The following KSR2 variants were observed in gnomAD, a reference collection of about 807,000 sequenced individuals.
The protein encoded by KSR2 is kinase suppressor of ras 2.
A neutral mutation model predicts 107.8 loss-of-function variants in KSR2; 25 were observed. The observed-to-expected ratio is 0.23, with a 90% CI of 0.17 to 0.32. KSR2 has a LOEUF of 0.32. Ranked by LOEUF, KSR2 falls within the 10% of genes least tolerant of loss-of-function variation. The pLI is 1.00. For missense variants in KSR2, 887 were observed against 1,268.9 expected, an observed-to-expected ratio of 0.70 and a Z score of 4.57; for synonymous variants, 480 against 507.0, an observed-to-expected ratio of 0.95 and a Z score of 0.71.
chr12:117,856,346 T>C (rs74741374), intron 2 of KSR2, among the ~76,000 whole-genome samples: 1,876 of 152,268 alleles, frequency 0.012, 40 homozygotes, highest in African/African-American at 0.043. Context: ...ACCTCAAAAT[T>C]TGTCAAGCTT....
At chr12:117,709,554 G>A (rs1034668343) in intron 4 of KSR2, among the ~76,000 whole-genome samples, 8 of 152,064 alleles carry the variant, frequency 5.3e-5, no homozygotes, top group African/African-American at 1.7e-4. Flanking sequence ...AAGGCCTCAC[G>A]GGATCCTTCT....
At chr12:117,780,621 G>A (rs1889850220) in intron 3 of KSR2, among the ~76,000 whole-genome samples, 1 of 152,186 alleles carries the variant, frequency 6.6e-6, no homozygotes, top group African/African-American at 2.4e-5. Context: ...GGATGGTGGT[G>A]ATGATTATAC....
chr12:117,703,218 T>C (rs1886394818), intron 4 of KSR2, among the ~76,000 whole-genome samples: 1 of 152,158 alleles, frequency 6.6e-6, no homozygotes, highest in Admixed American at 6.5e-5. Flanking sequence ...GGCAAATTAT[T>C]TCACCTCTTT....
At chr12:117,523,422 G>A (rs991544145) in intron 14 of KSR2, among the ~76,000 whole-genome samples, 1 of 152,220 alleles carries the variant, frequency 6.6e-6, no homozygotes, top group East Asian at 1.9e-4. Context: ...TATGTTACAG[G>A]GGAGTCAGCG....
intron 16 of KSR2, among the ~76,000 whole-genome samples, chr12:117,483,525 TGAGA>T (rs142886621): frequency 2.8e-4 from 41 of 147,782 alleles, no homozygotes; most frequent in East Asian, 5.9e-4. Context: ...AGGTTTAAAA[TGAGA>T]GAGAGAGAGA....
intron 7 of KSR2, among the ~76,000 whole-genome samples, chr12:117,564,635 A>T (rs1165079117): frequency 6.6e-6 from 1 of 152,220 alleles, no homozygotes; most frequent in Non-Finnish European, 1.5e-5. Flanking sequence ...ATGAGACATC[A>T]TCTCTGTCTG....
At chr12:117,887,895 C>T (rs1894223948) in intron 1 of KSR2, among the ~76,000 whole-genome samples, 1 of 152,220 alleles carries the variant, frequency 6.6e-6, no homozygotes. Context: ...CTATGATCAA[C>T]CAGTGATTGC....
intron 12 of KSR2, among the ~76,000 whole-genome samples, chr12:117,528,493 T>C (rs1565885542): frequency 6.6e-6 from 1 of 152,106 alleles, no homozygotes; most frequent in Non-Finnish European, 1.5e-5. Context: ...ACCCTCAGAT[T>C]GCAGGAAGTG....
intron 14 of KSR2, among the ~76,000 whole-genome samples, chr12:117,489,548 C>CAA (rs11358177): frequency 1.8e-4 from 16 of 87,186 alleles, no homozygotes; most frequent in African/African-American, 5.0e-4. Flanking sequence ...GACCCTGTCT[C>CAA]AAAAAAAAAA....
chr12:117,821,070 T>C (rs1891546430), intron 3 of KSR2, among the ~76,000 whole-genome samples: 1 of 152,210 alleles, frequency 6.6e-6, no homozygotes, highest in Non-Finnish European at 1.5e-5. Flanking sequence ...CCTCAGTTTC[T>C]GCATCTGTAA....
intron 3 of KSR2, among the ~76,000 whole-genome samples, chr12:117,837,711 T>C (rs1185895248): frequency 6.6e-5 from 10 of 152,110 alleles, no homozygotes; most frequent in Admixed American, 5.9e-4. Context: ...GTCTGCCTCA[T>C]TTCTCCTCCA....
At chr12:117,561,769 T>C (rs1362242080) in intron 7 of KSR2, among the ~76,000 whole-genome samples, 1 of 152,182 alleles carries the variant, frequency 6.6e-6, no homozygotes, top group Non-Finnish European at 1.5e-5. Flanking sequence ...CTGGCTTTCT[T>C]TGTCTATTCC....
chr12:117,760,116 G>T (rs1888944102), intron 4 of KSR2, among the ~76,000 whole-genome samples: 1 of 152,180 alleles, frequency 6.6e-6, no homozygotes, highest in Non-Finnish European at 1.5e-5. Context: ...CAAAAAAAAA[G>T]AAGTTTCTTC....
chr12:117,928,559 T>C (rs1173337366), intron 1 of KSR2, among the ~76,000 whole-genome samples: 2 of 152,212 alleles, frequency 1.3e-5, no homozygotes, highest in Non-Finnish European at 2.9e-5. Context: ...TATTTATCCA[T>C]GTATCTGCTC....
chr12:117,917,924 C>G (rs1286803093), intron 1 of KSR2, among the ~76,000 whole-genome samples: 1 of 152,164 alleles, frequency 6.6e-6, no homozygotes, highest in Non-Finnish European at 1.5e-5. Context: ...ACTGGCTTCT[C>G]TTGAAAAAGA....
intron 16 of KSR2, among the ~76,000 whole-genome samples, chr12:117,477,824 CCG>C (rs1871887568): frequency 6.6e-6 from 1 of 152,226 alleles, no homozygotes; most frequent in Non-Finnish European, 1.5e-5. Flanking sequence ...GTTCCCTCTT[CCG>C]CCATTATGAA....
At chr12:117,909,428 A>G (rs1464469739) in intron 1 of KSR2, among the ~76,000 whole-genome samples, 3 of 152,136 alleles carry the variant, frequency 2.0e-5, no homozygotes, top group Non-Finnish European at 4.4e-5. Context: ...CCCAACTATT[A>G]TGACTTCAAA....
At chr12:117,901,046 T>C (rs1260837914) in intron 1 of KSR2, among the ~76,000 whole-genome samples, 1 of 152,054 alleles carries the variant, frequency 6.6e-6, no homozygotes, top group African/African-American at 2.4e-5. Context: ...AAAAGTCAGC[T>C]TGACATTGGG....
chr12:117,669,462 G>A (rs374304251), intron 4 of KSR2, among the ~76,000 whole-genome samples: 1 of 152,086 alleles, frequency 6.6e-6, no homozygotes, highest in East Asian at 1.9e-4. Context: ...GAATTGTGGT[G>A]AGGCTTGACT....
Sources: allele counts gnomAD v4.1 joint callset (sites outside exome capture counted in the v4.1 genomes callset), GRCh38; gene constraint gnomAD v4.1.1; transcripts MANE v1.5; gene names NCBI Gene and HGNC (gene_info 2026-07-23, HGNC 2026-07-21).